EML5: variants seen among roughly 807,000 people sequenced by gnomAD.
The protein encoded by EML5 is EMAP like 5, also known as echinoderm microtubule-associated protein-like 5.
EML5 carries 120 observed loss-of-function variants against 250.0 expected under a neutral mutation model. That is an observed-to-expected ratio of 0.48 (90% CI 0.41 to 0.56). The LOEUF (loss-of-function observed/expected upper bound fraction) is 0.56. Among genes scored for constraint, EML5 ranks in the 20% least tolerant of loss-of-function variants. EML5 has a pLI of 0.00. For missense variants in EML5, 2,006 were observed against 2,437.6 expected, an observed-to-expected ratio of 0.82 and a Z score of 3.73; for synonymous variants, 771 against 806.5, an observed-to-expected ratio of 0.96 and a Z score of 0.75.
rs555224952 is a variant in EML5, at chr14:88,677,273, C to G, written c.3124+4617G>C. Among the ~76,000 whole-genome samples the G allele has an allele frequency of 2.0e-5, 3 of 152,196 alleles. No homozygotes were observed. The South Asian group carries it at 6.2e-4, about 32-fold the overall frequency. On this transcript the variant is annotated intron_variant, in intron 21 of 43. Coordinates refer to ENST00000554922, the MANE Select transcript of EML5 (RefSeq NM_183387.3). ...ACATGCAGAAAATTGAAGCTGGACC[C>G]CTTCCTTACACCTTATACAAAAATT... is the stretch of plus-strand genomic sequence containing the variant.
At chr14:88,732,385 G>A (rs4904465) in intron 7 of EML5, among the ~76,000 whole-genome samples, 60,865 of 151,892 alleles carry the variant, frequency 0.4, 14,672 homozygotes, top group African/African-American at 0.66. Context: ...TAGATGTGTG[G>A]TATTATTTCT....
chr14:88,648,912 A>G (rs1399964110), intron 28 of EML5, among the ~76,000 whole-genome samples: 1 of 152,104 alleles, frequency 6.6e-6, no homozygotes, highest in Non-Finnish European at 1.5e-5. Flanking sequence ...CAGATGATGG[A>G]TTCCTGCTGT....
chr14:88,740,351 C>A, intron 5 of EML5, 36 bp downstream of exon 5: 1 of 1,533,496 alleles, frequency 6.5e-7, no homozygotes, highest in Non-Finnish European at 8.9e-7. Flanking sequence ...TTAAGTAATA[C>A]ACATGAAAGT....
In EML5 at chr14:88,719,574, AAC is replaced by A. The variant is rs1336422442; in HGVS notation, c.1188-4381_1188-4380del. ...TGCCTCTGAGGAGTTTGCTGTTGATAACACAGTGTAGCTTACTGTAAGTCAAA... is the reference window on the plus strand; with the variant it reads ...TGCCTCTGAGGAGTTTGCTGTTGATAACAGTGTAGCTTACTGTAAGTCAAA... On this transcript the variant is annotated intron_variant, in intron 8 of 43. Coordinates refer to ENST00000554922, the MANE Select transcript of EML5 (RefSeq NM_183387.3). Among the ~76,000 whole-genome samples the A allele has an allele frequency of 3.9e-5, 6 of 152,326 alleles. No individual in the cohort carries two copies. In the East Asian group the frequency reaches 1.2e-3, roughly 29 times the overall value.
At chr14:88,665,822 T>A (rs57118463) in intron 21 of EML5, among the ~76,000 whole-genome samples, 2 of 151,826 alleles carry the variant, frequency 1.3e-5, no homozygotes, top group Non-Finnish European at 2.9e-5. Flanking sequence ...GCGGGAGGAC[T>A]GTTTGAGCCC....
intron 42 of EML5, 185 bp from the exon 43 acceptor site, chr14:88,616,427 A>G (rs2087625619): frequency 3.1e-6 from 2 of 638,714 alleles, no homozygotes; most frequent in Non-Finnish European, 5.4e-6. Context: ...GTGGGCAGTC[A>G]GATGTCTCCA....
At chr14:88,739,381 T>C (rs1276799195) in intron 5 of EML5, among the ~76,000 whole-genome samples, 1 of 152,144 alleles carries the variant, frequency 6.6e-6, no homozygotes, top group Non-Finnish European at 1.5e-5. Context: ...CTTGAGTATG[T>C]GTAGATTTTG....
At chr14:88,711,044 C>T (rs1385692613) in intron 10 of EML5, among the ~76,000 whole-genome samples, 3 of 152,074 alleles carry the variant, frequency 2.0e-5, no homozygotes, top group Non-Finnish European at 4.4e-5. Flanking sequence ...GTAGGAGCAA[C>T]GTCTAAGAGG....
chr14:88,777,003 G>A (rs1443668061), intron 1 of EML5, among the ~76,000 whole-genome samples: 2 of 152,120 alleles, frequency 1.3e-5, no homozygotes, highest in African/African-American at 2.4e-5. Flanking sequence ...TAAAGAGACA[G>A]GAGTAGAAAG....
intron 16 of EML5, among the ~76,000 whole-genome samples, 171 bp downstream of exon 16, chr14:88,695,190 G>A (rs2093048935): frequency 6.8e-6 from 1 of 147,374 alleles, no homozygotes; most frequent in Non-Finnish European, 1.5e-5. Context: ...AATCTACAAA[G>A]AAATTCTGAA....
At chr14:88,762,836 T>A (rs940910385) in intron 1 of EML5, among the ~76,000 whole-genome samples, 5 of 152,206 alleles carry the variant, frequency 3.3e-5, no homozygotes, top group African/African-American at 1.2e-4. Flanking sequence ...GCAATCAAGT[T>A]AGAACTCAGG....
At chr14:88,758,659 A>T (rs978342636) in intron 1 of EML5, among the ~76,000 whole-genome samples, 9 of 152,222 alleles carry the variant, frequency 5.9e-5, no homozygotes, top group Non-Finnish European at 1.3e-4. Context: ...TGATCCAGCA[A>T]TTCTATTCCT....
intron 14 of EML5, 104 bp from the exon 15 acceptor site, chr14:88,697,056 C>T: frequency 1.4e-6 from 1 of 716,910 alleles, no homozygotes; most frequent in Non-Finnish European, 2.1e-6. Context: ...ACTTATTTAC[C>T]ACAGAAATTT....
At chr14:88,632,788 T>G (rs1414117864) in intron 33 of EML5, among the ~76,000 whole-genome samples, 1 of 152,232 alleles carries the variant, frequency 6.6e-6, no homozygotes, top group African/African-American at 2.4e-5. Context: ...ATTTTGGTAG[T>G]TAAGGCTGGT....
intron 13 of EML5, among the ~76,000 whole-genome samples, chr14:88,704,040 G>T (rs937927592): frequency 1.3e-5 from 2 of 152,128 alleles, no homozygotes; most frequent in Non-Finnish European, 2.9e-5. Context: ...TGTAAGGTAG[G>T]TACTTGATAT....
intron 2 of EML5, among the ~76,000 whole-genome samples, chr14:88,752,179 T>C (rs1014685652): frequency 4.6e-5 from 7 of 152,228 alleles, no homozygotes; most frequent in African/African-American, 1.7e-4. Flanking sequence ...GTAAAAGCTA[T>C]GGGCATGATT....
chr14:88,693,445 G>A (rs769231628), intron 17 of EML5, among the ~76,000 whole-genome samples: 3 of 152,120 alleles, frequency 2.0e-5, no homozygotes, highest in East Asian at 1.9e-4. Context: ...CTCATGAGAC[G>A]TATTCACTTC....
intron 20 of EML5, among the ~76,000 whole-genome samples, chr14:88,684,696 T>C (rs2092791619): frequency 6.6e-6 from 1 of 152,060 alleles, no homozygotes; most frequent in Non-Finnish European, 1.5e-5. Flanking sequence ...TATTTTCTGA[T>C]AAGAAATTAC....
chr14:88,744,887 A>AT (rs2140287022), intron 3 of EML5, among the ~76,000 whole-genome samples: 1 of 152,192 alleles, frequency 6.6e-6, no homozygotes, highest in Non-Finnish European at 1.5e-5. Context: ...TTACAAAGTG[A>AT]TGCTCTTTAG....
Sources: allele counts gnomAD v4.1 joint callset (sites outside exome capture counted in the v4.1 genomes callset), GRCh38; gene constraint gnomAD v4.1.1; transcripts MANE v1.5; gene names NCBI Gene and HGNC (gene_info 2026-07-23, HGNC 2026-07-21).